STK32C: variants seen among roughly 807,000 people sequenced by gnomAD.
The protein encoded by STK32C is serine/threonine kinase 32C.
A neutral mutation model predicts 56.5 loss-of-function variants in STK32C; 31 were observed. The observed-to-expected ratio is 0.55, with a 90% confidence interval of 0.41 to 0.74. The LOEUF is 0.74. STK32C is among the 30% of genes least tolerant of loss of function. STK32C has a pLI of 0.00. For missense variants in STK32C, 544 were observed against 676.9 expected, an observed-to-expected ratio of 0.80 and a Z score of 2.18; for synonymous variants, 309 against 289.4, an observed-to-expected ratio of 1.07 and a Z score of -0.69.
chr10:132,290,073 G>C (rs1412421616), intron 1 of STK32C, among the ~76,000 whole-genome samples: 3 of 152,224 alleles, frequency 2.0e-5, no homozygotes, highest in Non-Finnish European at 4.4e-5. Flanking sequence ...ACCTGCCAAA[G>C]AGATTCTGCT....
At chr10:132,260,545 T>C (rs2064269419) in intron 1 of STK32C, among the ~76,000 whole-genome samples, 1 of 152,190 alleles carries the variant, frequency 6.6e-6, no homozygotes, top group Non-Finnish European at 1.5e-5. Context: ...TCCTGGGTGT[T>C]GCAGGGGGCT....
In STK32C at chr10:132,207,994, C is replaced by CCACGGGCGTCCCGGCCTAGCCGCT; in HGVS notation, c.1453_*15dup. On this transcript the variant is annotated 3_prime_UTR_variant, in exon 12 of 12. Transcript: ENST00000298630. ...TCCAAAGCAGCTCAAGGGGTGAGGA[C>CCACGGGCGTCCCGGCCTAGCCGCT]CACGGGCGTCCCGGCCTAGCCGCTC... 5.4e-6 allele frequency: 7 copies of CCACGGGCGTCCCGGCCTAGCCGCT among 1,301,702 alleles called. No individual in the cohort carries two copies. Among genetic ancestry groups the CCACGGGCGTCCCGGCCTAGCCGCT allele is most frequent in the Non-Finnish European group, 6.9e-6 (7 of 1,018,576 alleles). 80.6% of individuals were successfully genotyped at this position (1,301,702 alleles called of 1,614,324 possible).
At chr10:132,294,110 TG>T (rs1304841686) in intron 1 of STK32C, among the ~76,000 whole-genome samples, 1 of 152,128 alleles carries the variant, frequency 6.6e-6, no homozygotes, top group African/African-American at 2.4e-5. Flanking sequence ...AGGTCCCAGC[TG>T]GAGACAGGAA....
At chr10:132,328,643 T>C (rs896268867) in intron 1 of STK32C, among the ~76,000 whole-genome samples, 3 of 152,242 alleles carry the variant, frequency 2.0e-5, no homozygotes, top group African/African-American at 7.2e-5. Context: ...GTTTGGCCTA[T>C]GCCCAGGAAT....
chr10:132,301,215 C>T (rs958172485), intron 1 of STK32C, among the ~76,000 whole-genome samples: 4 of 150,364 alleles, frequency 2.7e-5, no homozygotes, highest in African/African-American at 1.0e-4. Flanking sequence ...AGGCCTGGTC[C>T]CCCACTAACG....
intron 1 of STK32C, among the ~76,000 whole-genome samples, chr10:132,269,165 G>A (rs77189597): frequency 0.12 from 18,677 of 151,642 alleles, 1,903 homozygotes; most frequent in African/African-American, 0.28. Context: ...TGCATCGTGT[G>A]TGCATGTGTC....
intron 1 of STK32C, among the ~76,000 whole-genome samples, chr10:132,270,143 C>A (rs987950464): frequency 6.6e-6 from 1 of 152,204 alleles, no homozygotes; most frequent in African/African-American, 2.4e-5. Context: ...GAGAGCCCAC[C>A]CCACCCCACA....
intron 2 of STK32C, among the ~76,000 whole-genome samples, chr10:132,233,890 C>T (rs2063183204): frequency 2.0e-5 from 3 of 152,264 alleles, no homozygotes; most frequent in Admixed American, 2.0e-4. Context: ...GCTGCCTCCC[C>T]TCAGCTGCTT....
Position 132,331,719 on chromosome 10 carries a change from CCAGACGG to C in STK32C, c.11_17del (p.Ala4GlyfsTer23), listed in dbSNP as rs1413243720. 5 of 1,612,550 alleles carry C rather than the reference CCAGACGG, an allele frequency of 3.1e-6. No individual in the cohort carries two copies. Among genetic ancestry groups the C allele is most frequent in the Non-Finnish European group, 3.4e-6 (4 of 1,179,892 alleles). On this transcript the variant is annotated frameshift_variant, in exon 1 of 2. Transcript: ENST00000368619. LOFTEE classifies it high-confidence loss of function. ...CGCCCGCCCCGGGCCCTCCGGCTCCCCAGACGGCACTTAGCATCCCGCTCTCTTCCTT... is the reference window on the plus strand; with the variant it reads ...CGCCCGCCCCGGGCCCTCCGGCTCCCCACTTAGCATCCCGCTCTCTTCCTT...
chr10:132,215,734 A>AATGTGGAAGCAACTTTTTAG, intron 10 of STK32C, among the ~76,000 whole-genome samples: 1 of 152,284 alleles, frequency 6.6e-6, no homozygotes, highest in Admixed American at 6.5e-5. Flanking sequence ...GATACCTGAA[A>AATGTGGAAGCAACTTTTTAG]ATGTGGAAGC....
At chr10:132,246,666 C>T (rs992712467) in intron 1 of STK32C, among the ~76,000 whole-genome samples, 1 of 152,230 alleles carries the variant, frequency 6.6e-6, no homozygotes, top group African/African-American at 2.4e-5. Context: ...ACTCGTGAGA[C>T]CTGTCCGTGT....
At chr10:132,273,812 A>G (rs1008252601) in intron 1 of STK32C, among the ~76,000 whole-genome samples, 4 of 151,600 alleles carry the variant, frequency 2.6e-5, no homozygotes, top group Admixed American at 6.6e-5. Context: ...GAATGAGGTG[A>G]GCAAATGAGA....
At chr10:132,263,150 T>C (rs141828783) in intron 1 of STK32C, among the ~76,000 whole-genome samples, 3 of 152,354 alleles carry the variant, frequency 2.0e-5, no homozygotes, top group Non-Finnish European at 2.9e-5. Flanking sequence ...CGTGTGTTCA[T>C]TGTGGTGCTA....
At chr10:132,283,213 A>G (rs1462677725) in intron 1 of STK32C, among the ~76,000 whole-genome samples, 1 of 152,246 alleles carries the variant, frequency 6.6e-6, no homozygotes, top group Non-Finnish European at 1.5e-5. Context: ...CAGCTCTGTG[A>G]GCGCTACTGA....
chr10:132,331,514 C>T, exon 1 of STK32C: 1 of 1,612,930 alleles, frequency 6.2e-7, no homozygotes, highest in South Asian at 1.1e-5. Context: ...GTCTGCGTTC[C>T]CCTGGCAGCA....
Position 132,307,852 on chromosome 10 carries a change from G to T in STK32C, c.-19C>A. ...TCCTCATCGCCGGGTCTGGGTGCGC[G>T]CGGCAGCCGGAACTCGGGGCATGGC... is the stretch of plus-strand genomic sequence containing the variant. On this transcript the variant is annotated 5_prime_UTR_variant, in exon 1 of 12. Coordinates refer to ENST00000298630, the MANE Select transcript of STK32C (RefSeq NM_173575.4). This position sits in a 1 kb window ranked among gnomAD's most constrained non-coding sequence, Gnocchi z 4.4. 1 of 1,144,338 alleles carries T rather than the reference G, an allele frequency of 8.7e-7. No homozygotes were observed. The highest frequency in any genetic ancestry group is 1.1e-6 in the Non-Finnish European group (1 of 925,028). The allele number at this position is 1,144,338 out of a possible 1,614,324, so 70.9% of individuals were successfully genotyped here.
chr10:132,271,839 T>C (rs767587750), intron 1 of STK32C, among the ~76,000 whole-genome samples: 1 of 152,228 alleles, frequency 6.6e-6, no homozygotes, highest in African/African-American at 2.4e-5. Context: ...TGCGGCCTCC[T>C]GGGCACACTG....
At chr10:132,276,056 G>A (rs1450428713) in intron 1 of STK32C, among the ~76,000 whole-genome samples, 1 of 152,114 alleles carries the variant, frequency 6.6e-6, no homozygotes, top group Non-Finnish European at 1.5e-5. Flanking sequence ...ACCCGGTGAC[G>A]CCAGACCCAC....
intron 1 of STK32C, among the ~76,000 whole-genome samples, chr10:132,291,797 C>T (rs1458574056): frequency 1.3e-5 from 2 of 151,340 alleles, no homozygotes; most frequent in African/African-American, 4.9e-5. Context: ...ACTGAAGACC[C>T]TCAGGCTGCA....
Sources: gnomAD v4.1 joint callset for allele counts (sites outside exome capture counted in the v4.1 genomes callset) on GRCh38, gnomAD v4.1.1 for gene constraint, Gnocchi (gnomAD v3.1) non-coding constraint, MANE v1.5 for transcripts, NCBI Gene and HGNC (gene_info 2026-07-23, HGNC 2026-07-21) for gene names.